RBPMS: variants seen among roughly 807,000 people sequenced by gnomAD.
RBPMS encodes the protein RNA-binding protein with multiple splicing.
A neutral mutation model predicts 26.8 loss-of-function variants in RBPMS; 7 were observed. The observed-to-expected ratio is 0.26, with a 90% CI of 0.15 to 0.49. The LOEUF (loss-of-function observed/expected upper bound fraction) is 0.49. Among genes scored for constraint, RBPMS ranks in the 20% least tolerant of loss-of-function variants. The pLI is 0.98. For missense variants in RBPMS, 186 were observed against 250.0 expected (o/e 0.74, Z 1.73); for synonymous variants, 96 against 93.3 (o/e 1.03, Z -0.17).
intron 4 of RBPMS, 46 bp downstream of exon 4, chr8:30,479,423 T>G (rs1233269850): frequency 5.4e-6 from 7 of 1,306,438 alleles, no homozygotes; most frequent in Non-Finnish European, 7.7e-6. Context: ...TATGAGGTGG[T>G]GGGAAGTAAT....
chr8:30,390,510 A>C (rs1187379914), intron 1 of RBPMS, among the ~76,000 whole-genome samples: 1 of 152,064 alleles, frequency 6.6e-6, no homozygotes, highest in East Asian at 1.9e-4. Flanking sequence ...GGCGTTCGGG[A>C]TTGCCCTCAC....
intron 6 of RBPMS, among the ~76,000 whole-genome samples, chr8:30,549,795 TCCCCTCTCTC>T (rs1326538839): frequency 2.3e-4 from 23 of 100,700 alleles, no homozygotes; most frequent in African/African-American, 8.6e-4. Context: ...TCTCTCTCTC[TCCCCTCTCTC>T]CTCTCTCTCT....
chr8:30,526,269 A>AG (rs1429429065), intron 5 of RBPMS, among the ~76,000 whole-genome samples: 1 of 152,192 alleles, frequency 6.6e-6, no homozygotes, highest in Non-Finnish European at 1.5e-5. Context: ...TTGCTTAGAG[A>AG]GCCCAATTTC....
intron 1 of RBPMS, among the ~76,000 whole-genome samples, chr8:30,391,533 C>T (rs988722256): frequency 6.6e-6 from 1 of 152,148 alleles, no homozygotes; most frequent in Non-Finnish European, 1.5e-5. Context: ...CTGCATAGCT[C>T]AGTGGGCTTG....
At chr8:30,444,952 A>G (rs1336950951) in intron 1 of RBPMS, 1 of 152,234 alleles carries the variant, frequency 6.6e-6, no homozygotes. Context: ...TTATTTCTAG[A>G]ACATGATGGT....
rs1172450815 is a variant in RBPMS at position 30,570,135 on chromosome 8, A to G, written c.*112-502A>G. 3.3e-5 allele frequency among the ~76,000 whole-genome samples: 5 copies of G among 152,374 alleles called. No individual in the cohort carries two copies. In the East Asian group the frequency reaches 5.8e-4, roughly 18 times the overall value. Reference sequence around the variant, plus strand: ...GTGGTCACCTAAATATTCTCATTTCAGGACTTTTTAAAACACATTTTCCCA... The same window carrying G: ...GTGGTCACCTAAATATTCTCATTTCGGGACTTTTTAAAACACATTTTCCCA... On this transcript the variant is annotated intron_variant, in intron 8 of 8. Coordinates refer to ENST00000397323, the MANE Select transcript of RBPMS (RefSeq NM_001008710.3).
At chr8:30,514,609 A>C (rs1452282629) in intron 5 of RBPMS, among the ~76,000 whole-genome samples, 1 of 145,246 alleles carries the variant, frequency 6.9e-6, no homozygotes, top group Non-Finnish European at 1.5e-5. Flanking sequence ...CAGTGGCTTG[A>C]TCGGCTCACT....
intron 1 of RBPMS, among the ~76,000 whole-genome samples, chr8:30,444,394 C>T (rs1258311104): frequency 7.2e-5 from 11 of 152,096 alleles, no homozygotes; most frequent in Admixed American, 2.0e-4. Flanking sequence ...GAGTTTGCAC[C>T]GCCCTTCTCC....
intron 5 of RBPMS, among the ~76,000 whole-genome samples, chr8:30,541,366 A>G (rs1825375686): frequency 6.6e-6 from 1 of 152,160 alleles, no homozygotes; most frequent in South Asian, 2.1e-4. Context: ...TCAGAATCCA[A>G]TTTGAGCTCT....
rs553201780 is a variant in RBPMS, at chr8:30,384,900, C to T, written c.-193C>T. 2.7e-4 allele frequency: 98 copies of T among 367,778 alleles called. 1 individual carries two copies. In the South Asian group the frequency reaches 9.7e-3, roughly 36 times the overall value. 22.8% of individuals were successfully genotyped at this position (367,778 alleles called of 1,614,324 possible). On this transcript the variant is annotated 5_prime_UTR_variant, in exon 1 of 9. Transcript: ENST00000397323. The surrounding 1 kb of genome is among the most constrained non-coding windows in gnomAD (Gnocchi z 5.6). Reference sequence around the variant, plus strand: ...TTCCTGAGTCGCCCGCCGCCGCCGTCGCAGACTCGCCGCGGGAGCCCCAGC... The same window carrying T: ...TTCCTGAGTCGCCCGCCGCCGCCGTTGCAGACTCGCCGCGGGAGCCCCAGC...
At chr8:30,411,777 T>G (rs903968532) in intron 1 of RBPMS, among the ~76,000 whole-genome samples, 4 of 149,718 alleles carry the variant, frequency 2.7e-5, no homozygotes, top group Non-Finnish European at 5.9e-5. Context: ...AGGTCAGGAG[T>G]TCCGAGACTA....
At chr8:30,428,142 G>C (rs1011683423) in intron 1 of RBPMS, among the ~76,000 whole-genome samples, 11 of 149,984 alleles carry the variant, frequency 7.3e-5, no homozygotes, top group South Asian at 4.2e-4. Context: ...TCCTGCCTCA[G>C]CCTCCCGAGT....
chr8:30,506,206 TA>T (rs1461865963), intron 5 of RBPMS, among the ~76,000 whole-genome samples: 1 of 151,986 alleles, frequency 6.6e-6, no homozygotes, highest in African/African-American at 2.4e-5. Context: ...AAACTGAGCT[TA>T]GAACTCTTTT....
Position 30,467,607 on chromosome 8 carries a change from G to T in RBPMS, c.67-7172G>T, listed in dbSNP as rs375582289. Among the ~76,000 whole-genome samples the T allele has an allele frequency of 2.0e-5, 3 of 152,208 alleles. No individual in the cohort carries two copies. In the East Asian group the frequency reaches 5.8e-4, roughly 29 times the overall value. On this transcript the variant is annotated intron_variant, in intron 1 of 8. Transcript: ENST00000397323. ...TGAAACCAGGATGTTTCTGCTCCTG[G>T]GGCAACCTTAGTCACTGGTTCCCCT...
intron 5 of RBPMS, among the ~76,000 whole-genome samples, chr8:30,514,882 A>G (rs937749733): frequency 9.2e-5 from 14 of 151,978 alleles, no homozygotes; most frequent in African/African-American, 3.1e-4. Flanking sequence ...GAAGATCCAC[A>G]TAACTCATTG....
intron 5 of RBPMS, chr8:30,537,678 G>T (rs1019803251): frequency 2.2e-6 from 1 of 455,790 alleles, no homozygotes; most frequent in Admixed American, 2.4e-5. Context: ...TGTGAGAGTC[G>T]TTGGGCTGGA....
chr8:30,413,607 T>C (rs1224636119), intron 1 of RBPMS, among the ~76,000 whole-genome samples: 1 of 152,088 alleles, frequency 6.6e-6, no homozygotes, highest in African/African-American at 2.4e-5. Flanking sequence ...GGTTAGAATG[T>C]TAGAACATTA....
intron 7 of RBPMS, 37 bp downstream of exon 7, chr8:30,558,993 C>CT: frequency 6.4e-7 from 1 of 1,566,618 alleles, no homozygotes; most frequent in East Asian, 2.2e-5. Flanking sequence ...TGCGAAGCCC[C>CT]TAGAACACAT....
At chr8:30,522,142 C>T (rs563303109) in intron 5 of RBPMS, among the ~76,000 whole-genome samples, 70 of 152,100 alleles carry the variant, frequency 4.6e-4, no homozygotes, top group Middle Eastern at 6.8e-3. Flanking sequence ...GTATTCCAAA[C>T]GTCACATTGA....
Sources: gnomAD v4.1 joint callset for allele counts (sites outside exome capture counted in the v4.1 genomes callset) on GRCh38, gnomAD v4.1.1 for gene constraint, Gnocchi (gnomAD v3.1) non-coding constraint, MANE v1.5 for transcripts, NCBI Gene and HGNC (gene_info 2026-07-23, HGNC 2026-07-21) for gene names.